MAST4: variants seen among roughly 807,000 people sequenced by gnomAD.
MAST4 encodes microtubule associated serine/threonine kinase family member 4, also known as microtubule-associated serine/threonine-protein kinase 4.
A neutral mutation model predicts 162.7 loss-of-function variants in MAST4; 89 were observed. The observed-to-expected ratio is 0.55, with a 90% CI of 0.46 to 0.65. The LOEUF is 0.65. Ranked by LOEUF, MAST4 falls within the 30% of genes least tolerant of loss-of-function variation. The pLI is 0.00. For synonymous variants in MAST4, 1,479 were observed against 1,361.1 expected (o/e 1.09, Z -1.91); for missense variants, 3,153 against 3,374.0 (o/e 0.93, Z 1.62).
At chr5:67,127,024 T>C (rs1768327349) in intron 14 of MAST4, among the ~76,000 whole-genome samples, 1 of 152,220 alleles carries the variant, frequency 6.6e-6, no homozygotes, top group South Asian at 2.1e-4. Flanking sequence ...GGGAGTTCAC[T>C]CATGATTTGG....
intron 1 of MAST4, among the ~76,000 whole-genome samples, chr5:66,724,025 G>A (rs1245711276): frequency 6.6e-6 from 1 of 151,862 alleles, no homozygotes; most frequent in Non-Finnish European, 1.5e-5. Context: ...GAAACAAGGG[G>A]GATATTTTAA....
At chr5:66,665,989 GGGGC>G in intron 1 of MAST4, among the ~76,000 whole-genome samples, 1 of 152,272 alleles carries the variant, frequency 6.6e-6, no homozygotes, top group East Asian at 1.9e-4. Flanking sequence ...GAGCCCCGTT[GGGGC>G]TTTTCAAAAA....
At chr5:66,646,578 A>T (rs1217035086) in intron 1 of MAST4, among the ~76,000 whole-genome samples, 1 of 152,226 alleles carries the variant, frequency 6.6e-6, no homozygotes, top group Admixed American at 6.5e-5. Flanking sequence ...TGTAAGGAAG[A>T]ATATAGCATT....
chr5:66,910,563 A>C (rs913269090), intron 4 of MAST4, among the ~76,000 whole-genome samples: 1 of 152,078 alleles, frequency 6.6e-6, no homozygotes, highest in African/African-American at 2.4e-5. Flanking sequence ...TGAGATTTAA[A>C]TTCTTCTTTT....
chr5:66,643,436 A>G (rs1269730664), intron 1 of MAST4, among the ~76,000 whole-genome samples: 1 of 126,098 alleles, frequency 7.9e-6, no homozygotes, highest in African/African-American at 3.3e-5. Context: ...TGTCACATGT[A>G]AGTTCAAGGT....
At position 66,631,300 on chromosome 5, in the gene MAST4, G is replaced by A. The variant is rs77639965; in HGVS notation, c.363+34282G>A. On this transcript the variant is annotated intron_variant, in intron 1 of 28. Coordinates refer to ENST00000403625, the MANE Select transcript of MAST4 (RefSeq NM_001164664.2). ...ACCTGTGTCCTAGAAAGCTGCGATC[G>A]ATGGTAATTTCTAAGTAGGGGGTAA... Among the ~76,000 whole-genome samples, 22 of 152,282 alleles carry A rather than the reference G, an allele frequency of 1.4e-4. No homozygotes were observed. The East Asian group carries it at 3.3e-3, about 23-fold the overall frequency.
At chr5:66,725,650 T>C (rs866243614) in intron 1 of MAST4, among the ~76,000 whole-genome samples, 1 of 152,212 alleles carries the variant, frequency 6.6e-6, no homozygotes, top group Admixed American at 6.5e-5. Context: ...ATTTCTGATA[T>C]CTTTTGGTCA....
chr5:67,121,367 G>T (rs1767560331), intron 14 of MAST4, among the ~76,000 whole-genome samples: 1 of 151,922 alleles, frequency 6.6e-6, no homozygotes. Flanking sequence ...CCTTGTTTCT[G>T]CCTCCTTCAT....
At chr5:66,818,760 G>A (rs1756853595) in intron 3 of MAST4, among the ~76,000 whole-genome samples, 1 of 152,204 alleles carries the variant, frequency 6.6e-6, no homozygotes. Context: ...AGGAAAAAGG[G>A]GAGGTGTTCA....
intron 2 of MAST4, among the ~76,000 whole-genome samples, chr5:66,786,236 CT>C (rs542737548): frequency 2.2e-4 from 34 of 151,656 alleles, no homozygotes; most frequent in African/African-American, 8.0e-4. Flanking sequence ...AATACTTTGC[CT>C]TTAATTTTTT....
At chr5:66,638,177 C>T (rs1393862876) in intron 1 of MAST4, among the ~76,000 whole-genome samples, 4 of 152,192 alleles carry the variant, frequency 2.6e-5, no homozygotes, top group Non-Finnish European at 4.4e-5. Flanking sequence ...GGGGTTCCTA[C>T]CCTTCTTTGT....
chr5:66,905,669 A>G (rs1174680721), intron 4 of MAST4, among the ~76,000 whole-genome samples: 3 of 152,272 alleles, frequency 2.0e-5, no homozygotes, highest in African/African-American at 7.2e-5. Flanking sequence ...GGCATCATGC[A>G]TTTTCAGGAA....
chr5:66,985,710 G>A (rs1365126068), intron 4 of MAST4, among the ~76,000 whole-genome samples: 1 of 152,158 alleles, frequency 6.6e-6, no homozygotes, highest in African/African-American at 2.4e-5. Context: ...TGGAACAAGG[G>A]TGTATGGGGT....
intron 3 of MAST4, among the ~76,000 whole-genome samples, chr5:66,892,370 T>TG (rs1482235534): frequency 6.6e-6 from 1 of 152,200 alleles, no homozygotes; most frequent in African/African-American, 2.4e-5. Context: ...CTTTTCACAC[T>TG]GTATTTTACA....
At chr5:66,735,517 T>G (rs1470633701) in intron 1 of MAST4, among the ~76,000 whole-genome samples, 2 of 149,894 alleles carry the variant, frequency 1.3e-5, no homozygotes, top group Non-Finnish European at 2.9e-5. Flanking sequence ...TATCTAGTGT[T>G]ATATATTATA....
intron 1 of MAST4, among the ~76,000 whole-genome samples, chr5:66,738,711 G>C (rs1422333290): frequency 6.6e-6 from 1 of 152,220 alleles, no homozygotes; most frequent in Non-Finnish European, 1.5e-5. Context: ...CCGGTTGAAA[G>C]TGCTCCGACA....
intron 3 of MAST4, among the ~76,000 whole-genome samples, chr5:66,839,678 T>C (rs1758281249): frequency 6.6e-6 from 1 of 152,122 alleles, no homozygotes; most frequent in South Asian, 2.1e-4. Flanking sequence ...ATGAAACATC[T>C]CAAACTAGAG....
At chr5:66,926,568 A>C (rs28440812) in intron 4 of MAST4, among the ~76,000 whole-genome samples, 1,979 of 151,660 alleles carry the variant, frequency 0.013, 31 homozygotes, top group African/African-American at 0.034. Flanking sequence ...TTCTCTCTCT[A>C]TATATATACA....
intron 6 of MAST4, among the ~76,000 whole-genome samples, chr5:67,091,491 TG>T (rs946318735): frequency 2.0e-5 from 3 of 152,196 alleles, no homozygotes; most frequent in African/African-American, 7.2e-5. Context: ...GAAAATGTAC[TG>T]GTCCCAGAAA....
Sources: allele counts gnomAD v4.1 joint callset (sites outside exome capture counted in the v4.1 genomes callset), GRCh38; gene constraint gnomAD v4.1.1; transcripts MANE v1.5; gene names NCBI Gene and HGNC (gene_info 2026-07-23, HGNC 2026-07-21).